DIS3L2: variants seen among roughly 807,000 people sequenced by gnomAD.
DIS3L2 encodes the protein DIS3 like 3'-5' exoribonuclease 2, also known as DIS3-like exonuclease 2.
In DIS3L2, 34 loss-of-function variants were observed where a neutral mutation model predicts 97.5. That is an observed-to-expected ratio of 0.35 (90% confidence interval 0.27 to 0.46). The LOEUF is 0.46. Ranked by LOEUF, DIS3L2 falls within the 20% of genes least tolerant of loss-of-function variation. The pLI is 1.00. For missense variants in DIS3L2, 1,038 were observed against 1,146.0 expected (o/e 0.91, Z 1.36); for synonymous variants, 435 against 445.2 (o/e 0.98, Z 0.29).
chr2:232,003,171 C>A (rs1000321455), intron 1 of DIS3L2, among the ~76,000 whole-genome samples: 10 of 152,158 alleles, frequency 6.6e-5, no homozygotes, highest in African/African-American at 2.4e-4. Context: ...TAATCTAGAC[C>A]TTTGTCCTCC....
chr2:232,263,582 C>T (rs1025091749), intron 13 of DIS3L2, 142 bp downstream of exon 13: 9 of 766,028 alleles, frequency 1.2e-5, no homozygotes, highest in South Asian at 5.4e-5. Flanking sequence ...TCTCTGAGGC[C>T]GGCAGGAACT....
At chr2:232,329,785 T>TGCCCGGGGGGGGCCCC in intron 14 of DIS3L2, 28 bp from the exon 15 acceptor site, 173 of 966,984 alleles carry the variant, frequency 1.8e-4, no homozygotes, top group Non-Finnish European at 2.2e-4. Flanking sequence ...ACCCCAGCGG[T>TGCCCGGGGGGGGCCCC]CCCTCCCATC....
chr2:232,218,974 G>A (rs527607332), intron 10 of DIS3L2, among the ~76,000 whole-genome samples: 2 of 152,256 alleles, frequency 1.3e-5, no homozygotes, highest in African/African-American at 4.8e-5. Flanking sequence ...CTTAACACAC[G>A]CACAGTGGGG....
intron 13 of DIS3L2, among the ~76,000 whole-genome samples, chr2:232,289,749 G>A (rs1465219391): frequency 6.6e-6 from 1 of 152,188 alleles, no homozygotes. Flanking sequence ...TCTCTGAGTG[G>A]GTGGAGAGCC....
intron 13 of DIS3L2, among the ~76,000 whole-genome samples, chr2:232,277,335 C>T (rs992926180): frequency 3.9e-5 from 6 of 152,230 alleles, no homozygotes; most frequent in Non-Finnish European, 8.8e-5. Flanking sequence ...GAGTGCATCA[C>T]ACCCGCTAAC....
rs571076231 is a variant in DIS3L2 at position 232,330,866 on chromosome 2, C to T, written c.2010+90C>T. The stretch of plus-strand genomic sequence containing the variant: ...TCCACGTGCAAGCACAGGCCCCCAC[C>T]GTTCCTGCCTGCTCTGGACATGGCT... On this transcript the variant is annotated intron_variant, in intron 16 of 20. Coordinates refer to ENST00000325385, the MANE Select transcript of DIS3L2 (RefSeq NM_152383.5). The T allele has an allele frequency of 1.3e-4, 169 of 1,296,974 alleles. 4 individuals carry two copies. The South Asian group carries it at 1.6e-3, about 13-fold the overall frequency. 80.3% of individuals were successfully genotyped at this position (1,296,974 alleles called of 1,614,324 possible).
chr2:232,284,055 AGTGG>A (rs1694365178), intron 13 of DIS3L2, among the ~76,000 whole-genome samples: 1 of 152,144 alleles, frequency 6.6e-6, no homozygotes, highest in African/African-American at 2.4e-5. Flanking sequence ...CAGAATAAAA[AGTGG>A]GTTGTTTTTT....
At chr2:232,334,048 A>C in intron 17 of DIS3L2, 61 bp downstream of exon 17, 1 of 1,554,524 alleles carries the variant, frequency 6.4e-7, no homozygotes, top group Non-Finnish European at 8.7e-7. Context: ...CCACCCCCAC[A>C]GTGGGTGCTC....
At chr2:232,175,135 T>G (rs1408090906) in intron 9 of DIS3L2, among the ~76,000 whole-genome samples, 1 of 152,164 alleles carries the variant, frequency 6.6e-6, no homozygotes, top group Non-Finnish European at 1.5e-5. Context: ...GCCCAGTCTT[T>G]CAATATTAAT....
intron 13 of DIS3L2, among the ~76,000 whole-genome samples, chr2:232,342,581 A>G (rs932730350): frequency 6.6e-6 from 1 of 152,268 alleles, no homozygotes; most frequent in African/African-American, 2.4e-5. Flanking sequence ...TTGGATTCCA[A>G]GGCTTCTTGT....
At chr2:232,008,627 G>T (rs146739922) in intron 1 of DIS3L2, among the ~76,000 whole-genome samples, 1 of 152,176 alleles carries the variant, frequency 6.6e-6, no homozygotes, top group African/African-American at 2.4e-5. Context: ...GGTCTGGCCT[G>T]CCTTGAGTTA....
chr2:232,241,101 C>T (rs1693068253), intron 11 of DIS3L2, among the ~76,000 whole-genome samples: 1 of 152,236 alleles, frequency 6.6e-6, no homozygotes, highest in East Asian at 1.9e-4. Context: ...GGCCCGCAAC[C>T]TTGGACAGCA....
exon 14 of DIS3L2, chr2:232,343,802 G>A: frequency 3.9e-6 from 2 of 515,796 alleles, no homozygotes; most frequent in East Asian, 3.3e-5. Context: ...GGAAAGCCAA[G>A]TACATTCCAA....
intron 10 of DIS3L2, among the ~76,000 whole-genome samples, chr2:232,216,980 C>T (rs1168761253): frequency 6.6e-6 from 1 of 152,120 alleles, no homozygotes; most frequent in Non-Finnish European, 1.5e-5. Context: ...GTAGCCAGGA[C>T]TACAGGCGCC....
chr2:232,303,718 G>GC (rs1306566471), intron 14 of DIS3L2, among the ~76,000 whole-genome samples: 1 of 152,172 alleles, frequency 6.6e-6, no homozygotes. Flanking sequence ...TCTTTTATCA[G>GC]CCCTCCATTA....
At chr2:232,002,366 A>C (rs954365552) in intron 1 of DIS3L2, among the ~76,000 whole-genome samples, 3 of 152,080 alleles carry the variant, frequency 2.0e-5, no homozygotes, top group Admixed American at 6.5e-5. Flanking sequence ...TTGTGATTCT[A>C]TATGAATTTT....
intron 11 of DIS3L2, among the ~76,000 whole-genome samples, chr2:232,248,473 T>C (rs952594425): frequency 5.1e-5 from 7 of 138,122 alleles, no homozygotes; most frequent in African/African-American, 1.6e-4. Context: ...TACAGAGATA[T>C]TCATTTCATC....
chr2:232,142,851 C>T (rs1353792522), intron 8 of DIS3L2, among the ~76,000 whole-genome samples: 2 of 152,226 alleles, frequency 1.3e-5, no homozygotes, highest in African/African-American at 2.4e-5. Flanking sequence ...TTTGGGCCCT[C>T]GGTATAGTTG....
At chr2:232,318,867 A>C (rs1024486407) in intron 14 of DIS3L2, among the ~76,000 whole-genome samples, 1 of 152,160 alleles carries the variant, frequency 6.6e-6, no homozygotes, top group African/African-American at 2.4e-5. Context: ...ATCCCTAAAG[A>C]TCATGGATAG....
Sources: gnomAD v4.1 joint callset for allele counts (sites outside exome capture counted in the v4.1 genomes callset) on GRCh38, gnomAD v4.1.1 for gene constraint, MANE v1.5 for transcripts, NCBI Gene and HGNC (gene_info 2026-07-23, HGNC 2026-07-21) for gene names.